The following LRRC49 variants were observed in gnomAD, a reference collection of about 807,000 sequenced individuals.
The protein encoded by LRRC49 is leucine-rich repeat-containing protein 49.
A neutral mutation model predicts 83.3 loss-of-function variants in LRRC49; 50 were observed. That is an observed-to-expected ratio of 0.60 (90% confidence interval 0.48 to 0.76). The LOEUF is 0.76. Among genes scored for constraint, LRRC49 ranks in the 30% least tolerant of loss-of-function variants. The pLI, the probability that LRRC49 is intolerant of heterozygous loss-of-function variation, is 0.00. For missense variants in LRRC49, 704 were observed against 809.1 expected (o/e 0.87, Z 1.58); for synonymous variants, 286 against 283.3 (o/e 1.01, Z -0.10).
At chr15:70,930,460 CA>C (rs1453667025) in intron 7 of LRRC49, among the ~76,000 whole-genome samples, 1 of 152,172 alleles carries the variant, frequency 6.6e-6, no homozygotes, top group East Asian at 1.9e-4. Flanking sequence ...GTAGATTTAG[CA>C]CAATTCTTAA....
intron 7 of LRRC49, 60 bp downstream of exon 7, chr15:70,919,253 A>T (rs2034914651): frequency 7.1e-7 from 1 of 1,402,230 alleles, no homozygotes; most frequent in Non-Finnish European, 9.7e-7. Flanking sequence ...AATTGAAACA[A>T]ATGTTGTAAT....
chr15:70,886,780 C>T (rs2033419896), intron 2 of LRRC49, among the ~76,000 whole-genome samples: 1 of 151,906 alleles, frequency 6.6e-6, no homozygotes, highest in Non-Finnish European at 1.5e-5. Flanking sequence ...ACAGGAGAAT[C>T]GCTTGAACCC....
At chr15:70,882,480 C>T in intron 2 of LRRC49, 1 of 1,612,908 alleles carries the variant, frequency 6.2e-7, no homozygotes, top group Non-Finnish European at 8.5e-7. Context: ...TTCACCTGTA[C>T]AGCCATATAA....
intron 14 of LRRC49, among the ~76,000 whole-genome samples, chr15:71,029,480 G>A (rs1461720768): frequency 1.3e-5 from 2 of 152,154 alleles, no homozygotes; most frequent in Non-Finnish European, 2.9e-5. Context: ...GTGGTGCTGA[G>A]AAGAATGTAT....
intron 1 of LRRC49, among the ~76,000 whole-genome samples, chr15:70,861,131 C>G (rs917951679): frequency 2.6e-5 from 4 of 152,326 alleles, no homozygotes; most frequent in East Asian, 3.9e-4. Flanking sequence ...ATTTTTGTCA[C>G]AGACTTAACC....
chr15:70,909,878 A>ACACAC (rs56281773), intron 5 of LRRC49, among the ~76,000 whole-genome samples: 6 of 150,468 alleles, frequency 4.0e-5, no homozygotes, highest in East Asian at 1.9e-4. Flanking sequence ...ACACACACAC[A>ACACAC]AAACAAACAA....
chr15:71,000,464 T>C (rs1038951642), intron 11 of LRRC49, among the ~76,000 whole-genome samples: 5 of 152,194 alleles, frequency 3.3e-5, no homozygotes, highest in African/African-American at 9.7e-5. Flanking sequence ...AATATAACAA[T>C]TTTTTACTTT....
At chr15:70,919,771 T>G (rs888080325) in intron 7 of LRRC49, among the ~76,000 whole-genome samples, 1 of 152,142 alleles carries the variant, frequency 6.6e-6, no homozygotes, top group Non-Finnish European at 1.5e-5. Context: ...TTGGACCAGT[T>G]TGACTCTAGG....
chr15:71,037,139 G>C (rs371193276), intron 14 of LRRC49, 40 bp from the exon 15 acceptor site: 1 of 1,444,478 alleles, frequency 6.9e-7, no homozygotes, highest in South Asian at 1.2e-5. Context: ...TAGTAAGTCT[G>C]ATAAGTAACT....
chr15:70,865,769 G>C (rs2032896126), intron 1 of LRRC49, among the ~76,000 whole-genome samples: 1 of 152,138 alleles, frequency 6.6e-6, no homozygotes, highest in Admixed American at 6.5e-5. Context: ...GTTTTCCCTG[G>C]CCATGGGACT....
intron 14 of LRRC49, among the ~76,000 whole-genome samples, chr15:71,035,718 A>ATT (rs1218515767): frequency 2.6e-5 from 4 of 151,190 alleles, no homozygotes; most frequent in African/African-American, 9.7e-5. Flanking sequence ...GTATATATAT[A>ATT]TTCCACATTT....
intron 1 of LRRC49, among the ~76,000 whole-genome samples, chr15:70,854,385 C>G (rs1383159606): frequency 6.6e-6 from 1 of 152,180 alleles, no homozygotes; most frequent in Non-Finnish European, 1.5e-5. Flanking sequence ...CCCGATCACT[C>G]CCTCCGTCTT....
At position 70,930,557 on chromosome 15, in the gene LRRC49, CA is replaced by C. The variant is rs1222178212; in HGVS notation, c.712-6203del. On this transcript the variant is annotated intron_variant, in intron 7 of 15. Transcript: ENST00000260382. ...TGTTAGCTCCTAACGAGAGAGTCAG[CA>C]TGTGTTTTGAAGCTTTGAAGTTAGT... is the stretch of plus-strand genomic sequence containing the variant. Among the ~76,000 whole-genome samples the C allele has an allele frequency of 3.9e-5, 6 of 152,320 alleles. No individual in the cohort carries two copies. In the East Asian group the frequency reaches 1.2e-3, roughly 29 times the overall value.
intron 9 of LRRC49, among the ~76,000 whole-genome samples, chr15:70,973,507 C>G (rs1010067597): frequency 1.3e-5 from 2 of 152,200 alleles, no homozygotes; most frequent in African/African-American, 4.8e-5. Context: ...AGAGCTCGAG[C>G]ACTCTGCTGG....
chr15:70,902,886 ATTATGTATGTTT>A (rs1468907211), intron 4 of LRRC49, among the ~76,000 whole-genome samples: 2 of 152,142 alleles, frequency 1.3e-5, no homozygotes, highest in African/African-American at 2.4e-5. Context: ...GTCTCTAGTT[ATTATGTATGTTT>A]GCTTGCTTGT....
intron 5 of LRRC49, among the ~76,000 whole-genome samples, chr15:70,906,570 C>T (rs897712282): frequency 3.9e-5 from 6 of 152,172 alleles, no homozygotes; most frequent in African/African-American, 1.4e-4. Flanking sequence ...TGGTTCCTAC[C>T]ATTTTAAGTC....
chr15:70,928,098 C>T (rs991209733), intron 7 of LRRC49, among the ~76,000 whole-genome samples: 1 of 152,140 alleles, frequency 6.6e-6, no homozygotes, highest in African/African-American at 2.4e-5. Flanking sequence ...TTGTTGAAAT[C>T]GAGTACTAAT....
At chr15:70,879,398 CAT>C (rs1270869174) in intron 2 of LRRC49, among the ~76,000 whole-genome samples, 3 of 152,186 alleles carry the variant, frequency 2.0e-5, no homozygotes, top group Non-Finnish European at 2.9e-5. Flanking sequence ...AATTTCTTCA[CAT>C]GACTAGTCAT....
intron 11 of LRRC49, among the ~76,000 whole-genome samples, chr15:70,993,049 G>T (rs1010921070): frequency 6.6e-6 from 1 of 152,216 alleles, no homozygotes. Context: ...CTTGCTGGCT[G>T]CTTTGTTTAC....
Sources: gnomAD v4.1 joint callset for allele counts (sites outside exome capture counted in the v4.1 genomes callset) on GRCh38, gnomAD v4.1.1 for gene constraint, MANE v1.5 for transcripts, NCBI Gene and HGNC (gene_info 2026-07-23, HGNC 2026-07-21) for gene names.